The following MRPS18A variants were observed in gnomAD, a reference collection of about 807,000 sequenced individuals.
The protein encoded by MRPS18A is large ribosomal subunit protein mL66.
Under a neutral mutation model 22.7 loss-of-function variants are expected in MRPS18A, and 20 were observed. The observed-to-expected ratio is 0.88, with a 90% CI of 0.62 to 1.28. The LOEUF is 1.28. Ranked by LOEUF, MRPS18A falls within the 50% of genes most tolerant of loss-of-function variation. MRPS18A has a pLI of 0.00. For missense variants in MRPS18A, 294 were observed against 262.6 expected (o/e 1.12, Z -0.83); for synonymous variants, 106 against 99.1 (o/e 1.07, Z -0.41).
intron 2 of MRPS18A, 31 bp downstream of exon 2, chr6:43,681,058 G>T (rs1387302207): frequency 6.2e-7 from 1 of 1,610,564 alleles, no homozygotes; most frequent in African/African-American, 1.3e-5. Context: ...GCGTTAAAGA[G>T]GTTATACATG....
rs923856528 is a variant in MRPS18A, at chr6:43,673,371, C to T, written c.447-1465G>A. The stretch of plus-strand genomic sequence containing the variant: ...CCCTTTGCTGGCCTCTCCCAGGCTT[C>T]AGAGGGGTACATGAAGAGATGGGGT... On this transcript the variant is annotated intron_variant, in intron 5 of 5. Transcript: ENST00000372133. This position sits in a 1 kb window ranked among gnomAD's most constrained non-coding sequence, Gnocchi z 4.2. Among the ~76,000 whole-genome samples, 2 of 152,170 alleles carry T rather than the reference C, an allele frequency of 1.3e-5. No homozygotes were observed. The highest frequency in any genetic ancestry group is 4.8e-5 in the African/African-American group (2 of 41,428).
At chr6:43,683,498 A>G (rs78027667) in intron 1 of MRPS18A, among the ~76,000 whole-genome samples, 5,907 of 152,232 alleles carry the variant, frequency 0.039, 402 homozygotes, top group African/African-American at 0.13. Context: ...AACCTGATCC[A>G]TTTTGTTCCT....
At position 43,676,999 on chromosome 6, in the gene MRPS18A, T is replaced by C. The variant is rs1051464821; in HGVS notation, c.253-1382A>G. Reference sequence around the variant, plus strand: ...TTTGTGCAGCTCAGGATAATGGTGCTCTGAGTGGAAAGGGGTAAGAGGAAA... The same window carrying C: ...TTTGTGCAGCTCAGGATAATGGTGCCCTGAGTGGAAAGGGGTAAGAGGAAA... On this transcript the variant is annotated intron_variant, in intron 3 of 5. Transcript: ENST00000372133. Among the ~76,000 whole-genome samples the C allele has an allele frequency of 4.5e-4, 69 of 152,168 alleles. 1 individual carries two copies. The highest frequency in any genetic ancestry group is 4.5e-3 in the Admixed American group (69 of 15,280).
Position 43,675,576 on chromosome 6 carries a change from G to A in MRPS18A, c.294C>T (p.Gly98=). Reference sequence around the variant, plus strand: ...GGCCTGTGATCTTTCGGGGCAGCATGCCTCCATGAGGCCGGATGAACTGGC... The same window carrying A: ...GGCCTGTGATCTTTCGGGGCAGCATACCTCCATGAGGCCGGATGAACTGGC... ...LLSQFIRPHG[G]MLPRKITGLC... is the part of the protein sequence containing the mutation. The change falls in exon 4 of 6, where the codon GGC becomes GGT. Residue 98 remains glycine (G), a synonymous_variant. Coordinates refer to ENST00000372133, the MANE Select transcript of MRPS18A (RefSeq NM_018135.4). 6 of 1,613,780 alleles carry A rather than the reference G, an allele frequency of 3.7e-6. No individual in the cohort carries two copies. Among genetic ancestry groups the A allele is most frequent in the Non-Finnish European group, 5.1e-6 (6 of 1,179,924 alleles).
chr6:43,685,392 A>C (rs1382948873), intron 1 of MRPS18A, among the ~76,000 whole-genome samples: 1 of 152,142 alleles, frequency 6.6e-6, no homozygotes, highest in African/African-American at 2.4e-5. Context: ...CAGGACTGCC[A>C]TTTTGGGCCA....
chr6:43,676,134 C>CA (rs1561950148), intron 3 of MRPS18A, among the ~76,000 whole-genome samples: 3 of 148,182 alleles, frequency 2.0e-5, no homozygotes, highest in East Asian at 2.1e-4. Flanking sequence ...TGCAGGTGTG[C>CA]GCCCCTACAC....
intron 4 of MRPS18A, 57 bp from the exon 5 acceptor site, chr6:43,675,328 GC>G: frequency 6.4e-7 from 1 of 1,565,432 alleles, no homozygotes; most frequent in Non-Finnish European, 8.7e-7. Flanking sequence ...CTCTGAGGGG[GC>G]CAGAGGGAAA....
At chr6:43,685,574 C>T (rs754456934) in intron 1 of MRPS18A, among the ~76,000 whole-genome samples, 1 of 152,176 alleles carries the variant, frequency 6.6e-6, no homozygotes, top group Non-Finnish European at 1.5e-5. Context: ...CTGTTTTAGA[C>T]TGAAAGTCTT....
intron 4 of MRPS18A, 81 bp from the exon 5 acceptor site, chr6:43,675,352 G>T: frequency 6.3e-7 from 1 of 1,583,526 alleles, no homozygotes; most frequent in Non-Finnish European, 8.6e-7. Context: ...CCAAGGGAGC[G>T]GGAAGGTTGG....
At chr6:43,687,587 G>C in intron 1 of MRPS18A, 81 bp downstream of exon 1, 1 of 1,245,208 alleles carries the variant, frequency 8.0e-7, no homozygotes, top group South Asian at 1.3e-5. Context: ...AGGAAAGGTA[G>C]GAAGGAGCGC....
chr6:43,687,630 T>C (rs1561953580), intron 1 of MRPS18A, 38 bp downstream of exon 1: 2 of 1,433,920 alleles, frequency 1.4e-6, no homozygotes, highest in Non-Finnish European at 1.9e-6. Context: ...TCTGCCGCTC[T>C]TCTTAATTTC....
chr6:43,676,757 T>C (rs1774074683), intron 3 of MRPS18A, among the ~76,000 whole-genome samples: 1 of 152,244 alleles, frequency 6.6e-6, no homozygotes, highest in Admixed American at 6.5e-5. Context: ...AGCAGTCAAG[T>C]TCCACAAACC....
At position 43,673,163 on chromosome 6, in the gene MRPS18A, T is replaced by A. The variant is rs961944724; in HGVS notation, c.447-1257A>T. On this transcript the variant is annotated intron_variant, in intron 5 of 5. Coordinates refer to ENST00000372133, the MANE Select transcript of MRPS18A (RefSeq NM_018135.4). This position sits in a 1 kb window ranked among gnomAD's most constrained non-coding sequence, Gnocchi z 4.2. ...CCACAATGCATGGCTAATTTTTGTA[T>A]TTTTAGTAGAGACGTGGTTTCCTCA... Among the ~76,000 whole-genome samples, 3 of 152,088 alleles carry A rather than the reference T, an allele frequency of 2.0e-5. No homozygotes were observed. Among genetic ancestry groups the A allele is most frequent in the African/African-American group, 7.2e-5 (3 of 41,406 alleles).
intron 5 of MRPS18A, chr6:43,672,170 T>C (rs1157246890): frequency 1.8e-6 from 1 of 551,288 alleles, no homozygotes; most frequent in East Asian, 3.3e-5. Context: ...TTTGTAAATG[T>C]CAATGTTGGT....
chr6:43,678,059 G>T (rs1403161506), intron 3 of MRPS18A, among the ~76,000 whole-genome samples: 1 of 152,042 alleles, frequency 6.6e-6, no homozygotes, highest in Non-Finnish European at 1.5e-5. Flanking sequence ...GTACAACCCC[G>T]GCGAGCTGAG....
At chr6:43,681,446 C>A (rs575731916) in intron 1 of MRPS18A, among the ~76,000 whole-genome samples, 1 of 152,196 alleles carries the variant, frequency 6.6e-6, no homozygotes, top group Admixed American at 6.5e-5. Context: ...TCCTGTCCTA[C>A]GGTGGCTAGC....
At position 43,671,804 on chromosome 6, in the gene MRPS18A, G is replaced by T; in HGVS notation, c.549C>A (p.Asp183Glu). The change falls in exon 6 of 6, where the codon GAC becomes GAA. Residue 183 changes from aspartate (D) to glutamate (E), a missense_variant. Transcript: ENST00000372133. ...AAGGTGTTCTTGAGTAGCAGACATT[G>T]TCCCTCAGAAGGGGTGACCCCACGG... is the stretch of plus-strand genomic sequence containing the variant. ...RMPVGSPLLR[D>E]NVCYSRTPWK... 1 of 1,614,214 alleles carries T rather than the reference G, an allele frequency of 6.2e-7. No individual in the cohort carries two copies. The highest frequency in any genetic ancestry group is 8.5e-7 in the Non-Finnish European group (1 of 1,180,036).
intron 3 of MRPS18A, 75 bp downstream of exon 3, chr6:43,678,443 A>G (rs1774187961): frequency 1.8e-6 from 2 of 1,104,936 alleles, no homozygotes; most frequent in Non-Finnish European, 2.8e-6. Context: ...CAGCGGGGAC[A>G]TGCTGCTCCA....
At chr6:43,682,176 G>T (rs1221503421) in intron 1 of MRPS18A, among the ~76,000 whole-genome samples, 1 of 152,204 alleles carries the variant, frequency 6.6e-6, no homozygotes, top group Non-Finnish European at 1.5e-5. Context: ...GCATGCACTT[G>T]TAATCCCAGC....
Sources: gnomAD v4.1 joint callset for allele counts (sites outside exome capture counted in the v4.1 genomes callset) on GRCh38, gnomAD v4.1.1 for gene constraint, Gnocchi (gnomAD v3.1) non-coding constraint, MANE v1.5 for transcripts, NCBI Gene and HGNC (gene_info 2026-07-23, HGNC 2026-07-21) for gene names.